The following FLG variants were observed in gnomAD, a reference collection of about 807,000 sequenced individuals.
FLG encodes filaggrin, also known as epidermal filaggrin.
FLG carries 6 observed loss-of-function variants against 3.8 expected under a neutral mutation model. The ratio of observed to expected loss-of-function variants is 1.60; its 90% CI spans 0.87 to 3.15. FLG has a LOEUF of 3.15. FLG is among the 30% of genes most tolerant of loss of function. The pLI, the probability that FLG is intolerant of heterozygous loss-of-function variation, is 0.00. For synonymous variants in FLG, 2,551 were observed against 1,931.6 expected, an observed-to-expected ratio of 1.32 and a Z score of -8.41; for missense variants, 7,595 against 5,050.9, an observed-to-expected ratio of 1.50 and a Z score of -15.27.
rs538833810 is a variant in FLG, at chr1:152,304,540, T to C, written c.10346A>G (p.His3449Arg). The C allele has an allele frequency of 6.2e-7, 1 of 1,611,860 alleles. No individual in the cohort carries two copies. Among genetic ancestry groups the C allele is most frequent in the South Asian group, 1.1e-5 (1 of 90,742 alleles). The change falls in exon 3 of 3, where the codon CAC becomes CGC. Residue 3449 changes from histidine (H) to arginine (R), a missense_variant. Physicochemically the swap from His to Arg is conservative, Grantham distance 29. Coordinates refer to ENST00000368799, the MANE Select transcript of FLG (RefSeq NM_002016.2). ...AGACCTATCTACCGATTGCTCGTAG[T>C]GGGATCCCTGCCTTCCTCTTCTGCT... ...GSSRRGRQGS[H>R]YEQSVDRSGH...
rs780064431 is a variant in FLG at position 152,308,445 on chromosome 1, T to G, written c.6441A>C (p.Gly2147=). ...TIRGHPGPSR[G]GRQGSHQEQS... is the part of the protein sequence containing the mutation. ...GCTCTTGGTGGGACCCCTGTCTTCC[T>G]CCTCTGCTTGGCCCCGGGTGTCCAC... The change falls in exon 3 of 3, where the codon GGA becomes GGC. Residue 2147 remains glycine (G), a synonymous_variant. Transcript: ENST00000368799. 5 of 1,613,758 alleles carry G rather than the reference T, an allele frequency of 3.1e-6. No homozygotes were observed. Among genetic ancestry groups the G allele is most frequent in the Non-Finnish European group, 4.2e-6 (5 of 1,179,826 alleles).
chr1:152,311,840 C>A lies in FLG; in HGVS notation c.3046G>T (p.Gly1016Ter). ...GTPHAETSSGGQAASSHEQAR... is the reference protein window; with the variant it reads ...GTPHAETSSG ...TGTTCATGGGATGACGCAGCCTGTC[C>A]ACCAGAGGAAGTCTCTGCGTGAGGA... is the stretch of plus-strand genomic sequence containing the variant. Residue 1016 changes from glycine to a stop codon, truncating the protein, a stop_gained, in exon 3 of 3, where the codon GGA (glycine) becomes TGA (stop). Transcript: ENST00000368799. LOFTEE classifies it low-confidence loss of function (END_TRUNC). The A allele has an allele frequency of 6.2e-7, 1 of 1,614,138 alleles. No homozygotes were observed. Among genetic ancestry groups the A allele is most frequent in the South Asian group, 1.1e-5 (1 of 91,082 alleles).
Position 152,305,142 on chromosome 1 carries a change from C to A in FLG, c.9744G>T (p.Arg3248Ser). The stretch of plus-strand genomic sequence containing the variant: ...GGGACCTGGGGTGTCTGGAGCCGTG[C>A]CTTGACTGCTCCTGAACAGATCCAC... ...NHRGSVQEQS[R>S]HGSRHPRSHH... Residue 3248 changes from arginine (R) to serine (S), a missense_variant, in exon 3 of 3, where the codon AGG (arginine) becomes AGT (serine). Coordinates refer to ENST00000368799, the MANE Select transcript of FLG (RefSeq NM_002016.2). The A allele has an allele frequency of 6.2e-7, 1 of 1,613,696 alleles. No individual in the cohort carries two copies. Among genetic ancestry groups the A allele is most frequent in the Non-Finnish European group, 8.5e-7 (1 of 1,179,900 alleles).
chr1:152,310,776 G>A lies in FLG; in HGVS notation c.4110C>T (p.His1370=), dbSNP rs752215155. 6.2e-7 allele frequency: 1 copy of A among 1,614,008 alleles called. No individual in the cohort carries two copies. Among genetic ancestry groups the A allele is most frequent in the Non-Finnish European group, 8.5e-7 (1 of 1,180,000 alleles). ...AAGCTTGTCTGTGCCCAATGCCTGA[G>A]TGTCTGGAGCTGTCTGCTGACTGCT... ...RHQQSADSSR[H]SGIGHRQASS... The change falls in exon 3 of 3, where the codon CAC becomes CAT. Residue 1370 remains histidine, a synonymous_variant. Coordinates refer to ENST00000368799, the MANE Select transcript of FLG (RefSeq NM_002016.2).
At position 152,310,674 on chromosome 1, in the gene FLG, G is replaced by A; in HGVS notation, c.4212C>T (p.Asp1404=). ...GGGCTGACACTGACTGTGTGTCTGA[G>A]TCTTCTGAATGTCCCTCACTGTTAG... ...QVTNSEGHSE[D]SDTQSVSAHG... is the part of the protein sequence containing the mutation. Residue 1404 remains aspartate, a synonymous_variant, in exon 3 of 3, where the codon GAC becomes GAT. Transcript: ENST00000368799. 7 of 1,614,008 alleles carry A rather than the reference G, an allele frequency of 4.3e-6. No homozygotes were observed. In the East Asian group the frequency reaches 1.1e-4, roughly 26 times the overall value.
chr1:152,323,947 G>A (rs1380692666), intron 1 of FLG, among the ~76,000 whole-genome samples: 1 of 151,716 alleles, frequency 6.6e-6, no homozygotes, highest in Non-Finnish European at 1.5e-5. Flanking sequence ...AGTCAGTGTT[G>A]GGAGATGAAG....
Position 152,310,078 on chromosome 1 carries a change from T to A in FLG, c.4808A>T (p.His1603Leu). ...AGACCGCCTCTCAGAGTCTTCTGAGTGTCCCTCACTGTCCCTGTCCTGACT... is the reference window on the plus strand; with the variant it reads ...AGACCGCCTCTCAGAGTCTTCTGAGAGTCCCTCACTGTCCCTGTCCTGACT... ...SVSQDRDSEG[H>L]SEDSERRSES... Residue 1603 changes from histidine to leucine, a missense_variant, in exon 3 of 3, where the codon CAC (histidine) becomes CTC (leucine). His to Leu is a moderately conservative substitution (Grantham distance 99). Coordinates refer to ENST00000368799, the MANE Select transcript of FLG (RefSeq NM_002016.2). 1 of 1,613,958 alleles carries A rather than the reference T, an allele frequency of 6.2e-7. No homozygotes were observed. Among genetic ancestry groups the A allele is most frequent in the South Asian group, 1.1e-5 (1 of 91,068 alleles).
rs1293284637 is a variant in FLG at position 152,308,265 on chromosome 1, C to G, written c.6621G>C (p.Gly2207=). ...AAGAGGAAGCTTCATGATGATGCGA[C>G]CCTGAGTGCCTAGAGCCATCTCCTG... ...EQSGDGSRHS[G]SHHHEASSWA... Residue 2207 remains glycine, a synonymous_variant, in exon 3 of 3, where the codon GGG becomes GGC. Transcript: ENST00000368799. 6.2e-7 allele frequency: 1 copy of G among 1,613,250 alleles called. No individual in the cohort carries two copies. Among genetic ancestry groups the G allele is most frequent in the South Asian group, 1.1e-5 (1 of 91,048 alleles).
rs769718883 is a variant in FLG at position 152,310,503 on chromosome 1, G to C, written c.4383C>G (p.Ser1461Arg). 1 of 1,613,736 alleles carries C rather than the reference G, an allele frequency of 6.2e-7. No individual in the cohort carries two copies. The highest frequency in any genetic ancestry group is 1.7e-5 in the Admixed American group (1 of 60,004). ...SESTHGQTAPSTGGRQGSRHE... is the reference protein window; with the variant it reads ...SESTHGQTAPRTGGRQGSRHE... Reference sequence around the variant, plus strand: ...GGCGGGATCCTTGTCTTCCTCCAGTGCTGGGTGCAGTCTGTCCGTGTGTGG... The same window carrying C: ...GGCGGGATCCTTGTCTTCCTCCAGTCCTGGGTGCAGTCTGTCCGTGTGTGG... The change falls in exon 3 of 3, where the codon AGC becomes AGG. Residue 1461 changes from serine to arginine, a missense_variant. By Grantham distance (110) the Ser-to-Arg change is moderately radical. Coordinates refer to ENST00000368799, the MANE Select transcript of FLG (RefSeq NM_002016.2).
At position 152,305,434 on chromosome 1, in the gene FLG, G is replaced by T. The variant is rs531165708; in HGVS notation, c.9452C>A (p.Ala3151Asp). The change falls in exon 3 of 3, where the codon GCC (alanine) becomes GAC (aspartate). Residue 3151 changes from alanine (A) to aspartate (D), a missense_variant. By Grantham distance (126) the Ala-to-Asp change is moderately radical. Coordinates refer to ENST00000368799, the MANE Select transcript of FLG (RefSeq NM_002016.2). ...SHTTSQGRSDASRGQSGSRSA... is the reference protein window; with the variant it reads ...SHTTSQGRSDDSRGQSGSRSA... ...TCTGGATCCTGACTGCCCACGGGAG[G>T]CATCAGACCTTCCCTGGGATGTGGT... The T allele has an allele frequency of 2.0e-4, 312 of 1,597,698 alleles. 4 individuals carry two copies. In the Middle Eastern group the frequency reaches 3.1e-3, roughly 16 times the overall value.
chr1:152,302,433 C>T lies in FLG; in HGVS notation c.*267G>A, dbSNP rs115053459. ...CAAAAACATAAAACATTACTTGACC[C>T]AGAATCTCCTAAAATACTCCAGCTA... On this transcript the variant is annotated 3_prime_UTR_variant, in exon 3 of 3. Transcript: ENST00000368799. 2,313 of 459,130 alleles carry T rather than the reference C, an allele frequency of 5.0e-3. 52 individuals are homozygous for T. The highest frequency in any genetic ancestry group is 0.042 in the African/African-American group (2,143 of 51,048). The allele number at this position is 459,130 out of a possible 1,614,324, so 28.4% of individuals were successfully genotyped here.
In FLG at chr1:152,313,207, C is replaced by T. The variant is rs1231839466; in HGVS notation, c.1679G>A (p.Gly560Glu). 1 of 1,613,686 alleles carries T rather than the reference C, an allele frequency of 6.2e-7. No homozygotes were observed. The highest frequency in any genetic ancestry group is 1.3e-5 in the African/African-American group (1 of 74,714). ...TSQGRSDASH[G>E]QSGSRSASRQ... ...GCTTGCACTTCTGGATCCTGACTGC[C>T]CATGGGAGGCATCAGACCTTCCCTG... Residue 560 changes from glycine to glutamate, a missense_variant, in exon 3 of 3, where the codon GGG becomes GAG. Gly to Glu is a moderately conservative substitution (Grantham distance 98). Coordinates refer to ENST00000368799, the MANE Select transcript of FLG (RefSeq NM_002016.2).
chr1:152,308,249 C>A lies in FLG; in HGVS notation c.6637G>T (p.Ala2213Ser). 4 of 1,614,010 alleles carry A rather than the reference C, an allele frequency of 2.5e-6. No homozygotes were observed. The highest frequency in any genetic ancestry group is 2.2e-5 in the East Asian group (1 of 44,864). The change falls in exon 3 of 3, where the codon GCT (alanine) becomes TCT (serine). Residue 2213 changes from alanine to serine, a missense_variant. Ala to Ser is a moderately conservative substitution (Grantham distance 99). Transcript: ENST00000368799. ...CTAGAGCTGTCGGCCCAAGAGGAAG[C>A]TTCATGATGATGCGACCCTGAGTGC... ...SRHSGSHHHE[A>S]SSWADSSRHS...
Position 152,310,229 on chromosome 1 carries a change from C to G in FLG, c.4657G>C (p.Gly1553Arg), listed in dbSNP as rs137923075. ...TGACGTGACCCTGAGTGCCTGGAGC[C>G]GTCTCCTGATTGTTCCTCATTTCTT... ...QTRNEEQSGD[G>R]SRHSGSRHHE... Residue 1553 changes from glycine (G) to arginine (R), a missense_variant, in exon 3 of 3, where the codon GGC becomes CGC. Transcript: ENST00000368799. 48 of 1,613,552 alleles carry G rather than the reference C, an allele frequency of 3.0e-5. No homozygotes were observed. The highest frequency in any genetic ancestry group is 3.9e-5 in the Non-Finnish European group (46 of 1,179,946).
rs757198081 is a variant in FLG at position 152,312,084 on chromosome 1, C to T, written c.2802G>A (p.Glu934=). The change falls in exon 3 of 3, where the codon GAG becomes GAA. Residue 934 remains glutamate, a synonymous_variant. Coordinates refer to ENST00000368799, the MANE Select transcript of FLG (RefSeq NM_002016.2). ...CCTGGCGCCTGCTTGTCCTGGACCC[C>T]TCTGATTGTCCCTGGCCTGCCTGTG... ...RHSQAGQGQS[E]GSRTSRRQGS... 5 of 1,613,992 alleles carry T rather than the reference C, an allele frequency of 3.1e-6. No individual in the cohort carries two copies. The highest frequency in any genetic ancestry group is 3.3e-5 in the Admixed American group (2 of 60,004).
chr1:152,313,640 C>G lies in FLG; in HGVS notation c.1246G>C (p.Gly416Arg), dbSNP rs1453891175. ...SSAVSDRGHR[G>R]SSGSQASDSE... ...TCACTGGCCTGACTACCGCTAGACC[C>G]CCGGTGTCCACGATCGCTGACTGCA... The change falls in exon 3 of 3, where the codon GGG becomes CGG. Residue 416 changes from glycine to arginine, a missense_variant. Gly to Arg is a moderately radical substitution (Grantham distance 125). Coordinates refer to ENST00000368799, the MANE Select transcript of FLG (RefSeq NM_002016.2). 6.2e-7 allele frequency: 1 copy of G among 1,614,106 alleles called. No homozygotes were observed. The highest frequency in any genetic ancestry group is 8.5e-7 in the Non-Finnish European group (1 of 1,180,022).
chr1:152,314,559 T>C lies in FLG; in HGVS notation c.327A>G (p.Lys109=), dbSNP rs1221273095. ...HKHRKHSHHD[K]HEDNKQEENK... ...TTTCTTCCTGTTTATTATCTTCATG[T>C]TTATCATGATGACTGTGCTTTCTGT... Residue 109 remains lysine, a synonymous_variant, in exon 3 of 3, where the codon AAA becomes AAG. Coordinates refer to ENST00000368799, the MANE Select transcript of FLG (RefSeq NM_002016.2). 1 of 1,613,644 alleles carries C rather than the reference T, an allele frequency of 6.2e-7. No individual in the cohort carries two copies. Among genetic ancestry groups the C allele is most frequent in the Non-Finnish European group, 8.5e-7 (1 of 1,179,670 alleles).
At position 152,310,937 on chromosome 1, in the gene FLG, C is replaced by T. The variant is rs760067061; in HGVS notation, c.3949G>A (p.Ala1317Thr). 4 of 1,614,004 alleles carry T rather than the reference C, an allele frequency of 2.5e-6. No individual in the cohort carries two copies. The highest frequency in any genetic ancestry group is 3.4e-6 in the Non-Finnish European group (4 of 1,180,012). The change falls in exon 3 of 3, where the codon GCC becomes ACC. Residue 1317 changes from alanine (A) to threonine (T), a missense_variant. By Grantham distance (58) the Ala-to-Thr change is moderately conservative (BLOSUM62 0). Transcript: ENST00000368799. Reference protein sequence around the residue: ...RHPGFHQEDRASHGHSADSSR... With the variant: ...RHPGFHQEDRTSHGHSADSSR... ...CTGTCTGCAGAGTGCCCGTGACTGG[C>T]TCTGTCTTCTTGATGGAACCCAGGG...
Position 152,314,516 on chromosome 1 carries a change from T to G in FLG, c.370A>C (p.Arg124=). ...TTTCTTCTTTCCAGACTTGAGGGTC[T>G]TTTTCTGTTTTCTTTGTTTTCTTCC... ...KQEENKENRK[R]PSSLERRNNR... is the part of the protein sequence containing the mutation. The change falls in exon 3 of 3, where the codon AGA becomes CGA. Residue 124 remains arginine (R), a synonymous_variant. Transcript: ENST00000368799. 6.2e-7 allele frequency: 1 copy of G among 1,613,778 alleles called. No homozygotes were observed. Among genetic ancestry groups the G allele is most frequent in the Non-Finnish European group, 8.5e-7 (1 of 1,179,870 alleles).
Sources: gnomAD v4.1 joint callset for allele counts (sites outside exome capture counted in the v4.1 genomes callset) on GRCh38, gnomAD v4.1.1 for gene constraint, MANE v1.5 for transcripts, NCBI Gene and HGNC (gene_info 2026-07-23, HGNC 2026-07-21) for gene names.